The following TMEM87B variants were observed in gnomAD, a reference collection of about 807,000 sequenced individuals.
TMEM87B encodes transmembrane protein 87B.
A neutral mutation model predicts 80.3 loss-of-function variants in TMEM87B; 83 were observed. That is an observed-to-expected ratio of 1.03 (90% CI 0.87 to 1.24). The LOEUF is 1.24. Among genes scored for constraint, TMEM87B ranks in the 50% most tolerant of loss-of-function variants. TMEM87B has a pLI of 0.00. For missense variants in TMEM87B, 625 were observed against 674.4 expected, an observed-to-expected ratio of 0.93 and a Z score of 0.81; for synonymous variants, 219 against 230.5, an observed-to-expected ratio of 0.95 and a Z score of 0.45.
intron 11 of TMEM87B, among the ~76,000 whole-genome samples, chr2:112,093,170 A>G (rs1344588053): frequency 6.6e-6 from 1 of 151,858 alleles, no homozygotes; most frequent in Non-Finnish European, 1.5e-5. Context: ...CAAATGTAGC[A>G]CTCCTCATAG....
At chr2:112,065,719 G>C (rs971897738) in intron 3 of TMEM87B, among the ~76,000 whole-genome samples, 2 of 149,566 alleles carry the variant, frequency 1.3e-5, no homozygotes, top group African/African-American at 4.9e-5. Flanking sequence ...CGCTCCCCCT[G>C]CACACACACT....
At chr2:112,055,930 C>T (rs942967692) in intron 1 of TMEM87B, among the ~76,000 whole-genome samples, 174 bp downstream of exon 1, 2 of 152,206 alleles carry the variant, frequency 1.3e-5, no homozygotes, top group Admixed American at 6.5e-5. Flanking sequence ...AGCGGCCCCT[C>T]CTCCGGCCCG....
At chr2:112,060,589 T>C (rs1678222966) in intron 2 of TMEM87B, among the ~76,000 whole-genome samples, 1 of 151,282 alleles carries the variant, frequency 6.6e-6, no homozygotes, top group South Asian at 2.1e-4. Context: ...CAGGCTGGAG[T>C]GCAGTGGCAA....
intron 2 of TMEM87B, among the ~76,000 whole-genome samples, chr2:112,062,749 G>A (rs1194054528): frequency 1.3e-5 from 2 of 152,184 alleles, no homozygotes; most frequent in African/African-American, 4.8e-5. Flanking sequence ...GGATGGTTCT[G>A]CAGTAGCCTT....
chr2:112,081,055 A>G lies in TMEM87B; in HGVS notation c.593-2A>G, dbSNP rs1340193768. 3 of 1,610,486 alleles carry G rather than the reference A, an allele frequency of 1.9e-6. No individual in the cohort carries two copies. Among genetic ancestry groups the G allele is most frequent in the Non-Finnish European group, 2.5e-6 (3 of 1,177,884 alleles). ...TTAACTCTCTCTTCTTCTCTATCCTAGTTTCTCTTTCTATGATTGGGCCTC... is the reference window on the plus strand; with the variant it reads ...TTAACTCTCTCTTCTTCTCTATCCTGGTTTCTCTTTCTATGATTGGGCCTC... On this transcript the variant is annotated splice_acceptor_variant, in intron 6 of 18. Coordinates refer to ENST00000283206, the MANE Select transcript of TMEM87B (RefSeq NM_032824.3). LOFTEE classifies it high-confidence loss of function.
chr2:112,055,286 A>G lies in TMEM87B; in HGVS notation c.-306A>G, dbSNP rs976714557. 9.9e-6 allele frequency: 4 copies of G among 405,438 alleles called. No homozygotes were observed. The highest frequency in any genetic ancestry group is 9.5e-5 in the Admixed American group (2 of 20,984). 25.1% of individuals were successfully genotyped at this position (405,438 alleles called of 1,614,324 possible). On this transcript the variant is annotated 5_prime_UTR_variant, in exon 1 of 19. Coordinates refer to ENST00000283206, the MANE Select transcript of TMEM87B (RefSeq NM_032824.3). ...CCTCTTCTATCTTCACGCCCACGCT[A>G]GGCCCTGAGCCCAGCCTCCACGTCT...
chr2:112,112,770 C>T, intron 17 of TMEM87B, 129 bp from the exon 18 acceptor site: 1 of 823,990 alleles, frequency 1.2e-6, no homozygotes, highest in Non-Finnish European at 2.0e-6. Context: ...CTAGATGCTC[C>T]CTTCTGTCAC....
chr2:112,059,916 G>A, intron 1 of TMEM87B, 61 bp from the exon 2 acceptor site: 1 of 1,565,220 alleles, frequency 6.4e-7, no homozygotes, highest in Non-Finnish European at 8.7e-7. Context: ...ATGTTGTGGG[G>A]TAAAACAGTT....
At chr2:112,071,705 A>G (rs1324772886) in intron 4 of TMEM87B, among the ~76,000 whole-genome samples, 1 of 152,098 alleles carries the variant, frequency 6.6e-6, no homozygotes, top group Non-Finnish European at 1.5e-5. Flanking sequence ...GGTTTTCTAG[A>G]TATATAATCA....
intron 15 of TMEM87B, among the ~76,000 whole-genome samples, chr2:112,105,359 G>A (rs1038810345): frequency 5.9e-5 from 9 of 152,332 alleles, no homozygotes; most frequent in African/African-American, 1.9e-4. Flanking sequence ...TAGATTGTGT[G>A]TCAGGCATTT....
At chr2:112,076,757 C>T (rs1351245536) in intron 5 of TMEM87B, among the ~76,000 whole-genome samples, 1 of 151,748 alleles carries the variant, frequency 6.6e-6, no homozygotes, top group Non-Finnish European at 1.5e-5. Context: ...TTCTTTCCTC[C>T]TTTACCTTTT....
intron 4 of TMEM87B, among the ~76,000 whole-genome samples, chr2:112,071,306 GCCCCCC>G (rs887318414): frequency 3.0e-5 from 2 of 67,168 alleles, no homozygotes; most frequent in Non-Finnish European, 6.1e-5. Context: ...TTCCCCCCCC[GCCCCCC>G]CGCCGCCGCC....
At chr2:112,073,487 C>G (rs1230404500) in intron 4 of TMEM87B, among the ~76,000 whole-genome samples, 19 of 152,124 alleles carry the variant, frequency 1.2e-4, no homozygotes, top group Admixed American at 1.2e-3. Context: ...GATTTTGGTT[C>G]TTTTGCGTTT....
At chr2:112,107,943 TGTACTTGG>T in intron 17 of TMEM87B, 103 bp downstream of exon 17, 1 of 616,962 alleles carries the variant, frequency 1.6e-6, no homozygotes, top group Non-Finnish European at 2.7e-6. Context: ...CGTACTTGCA[TGTACTTGG>T]GTAAGCCCCT....
intron 13 of TMEM87B, among the ~76,000 whole-genome samples, chr2:112,097,774 C>G (rs1278202177): frequency 1.3e-5 from 2 of 151,418 alleles, no homozygotes; most frequent in East Asian, 3.9e-4. Context: ...AAAAGTTCCT[C>G]CGAAATCTCC....
At chr2:112,075,693 A>T (rs1678792839) in intron 5 of TMEM87B, among the ~76,000 whole-genome samples, 1 of 152,192 alleles carries the variant, frequency 6.6e-6, no homozygotes, top group African/African-American at 2.4e-5. Context: ...GATGGGAGTT[A>T]TGTGTAGGGA....
chr2:112,091,058 A>T (rs1679282815), intron 10 of TMEM87B, among the ~76,000 whole-genome samples: 1 of 152,178 alleles, frequency 6.6e-6, no homozygotes, highest in Non-Finnish European at 1.5e-5. Context: ...TCCCACATGT[A>T]AATACACCAT....
At chr2:112,069,262 C>T (rs1436263994) in intron 4 of TMEM87B, among the ~76,000 whole-genome samples, 1 of 149,510 alleles carries the variant, frequency 6.7e-6, no homozygotes, top group Non-Finnish European at 1.5e-5. Context: ...ATTTCCATGA[C>T]ACAGGTACTA....
chr2:112,098,453 G>GA lies in TMEM87B; in HGVS notation c.1273-136dup, dbSNP rs1372713268. 4.1e-6 allele frequency: 3 copies of GA among 732,762 alleles called. No homozygotes were observed. The African/African-American group carries it at 5.3e-5, about 13-fold the overall frequency. 45.4% of individuals were successfully genotyped at this position (732,762 alleles called of 1,614,324 possible). On this transcript the variant is annotated intron_variant, in intron 13 of 18. Coordinates refer to ENST00000283206, the MANE Select transcript of TMEM87B (RefSeq NM_032824.3). ...ACATTTTGAACAATATAGGTTTCTT[G>GA]AAAAAATATGTGCTTGTTTATTTGG...
Sources: gnomAD v4.1 joint callset for allele counts (sites outside exome capture counted in the v4.1 genomes callset) on GRCh38, gnomAD v4.1.1 for gene constraint, MANE v1.5 for transcripts, NCBI Gene and HGNC (gene_info 2026-07-23, HGNC 2026-07-21) for gene names.